Variants in CDH13 observed in about 807,000 individuals in gnomAD.
CDH13 encodes cadherin 13, also known as cadherin-13.
A neutral mutation model predicts 63.8 loss-of-function variants in CDH13; 24 were observed. The observed-to-expected ratio is 0.38, with a 90% CI of 0.27 to 0.53. The LOEUF (loss-of-function observed/expected upper bound fraction) is 0.53, where lower values mean the gene tolerates loss of function less well. CDH13 is among the 20% of genes least tolerant of loss of function. CDH13 has a pLI of 0.85. For synonymous variants in CDH13, 503 were observed against 355.3 expected (o/e 1.42, Z -4.67); for missense variants, 1,049 against 903.1 (o/e 1.16, Z -2.07).
chr16:82,982,432 C>T (rs981608688), intron 2 of CDH13, among the ~76,000 whole-genome samples: 1 of 152,154 alleles, frequency 6.6e-6, no homozygotes, highest in African/African-American at 2.4e-5. Context: ...GCTCCGAAGT[C>T]CTAAAAAATC....
chr16:83,193,859 C>G (rs1304785393), intron 4 of CDH13, among the ~76,000 whole-genome samples: 1 of 152,144 alleles, frequency 6.6e-6, no homozygotes, highest in Non-Finnish European at 1.5e-5. Flanking sequence ...CTAACGATGC[C>G]TATTTAGATT....
chr16:82,814,658 C>A (rs1337583760), intron 1 of CDH13, among the ~76,000 whole-genome samples: 1 of 152,144 alleles, frequency 6.6e-6, no homozygotes, highest in East Asian at 1.9e-4. Flanking sequence ...TTGTAATATT[C>A]TTTATAATAA....
chr16:83,006,384 G>C lies in CDH13; in HGVS notation c.158-25626G>C, dbSNP rs189767415. Among the ~76,000 whole-genome samples, 10 of 152,272 alleles carry C rather than the reference G, an allele frequency of 6.6e-5. No individual in the cohort carries two copies. The East Asian group carries it at 1.7e-3, about 26-fold the overall frequency. ...AACGTTCAGATATGTCTCCTGAATG[G>C]TTTTGACTAACACAACTTACTTTCC... On this transcript the variant is annotated intron_variant, in intron 2 of 13. Coordinates refer to ENST00000567109, the MANE Select transcript of CDH13 (RefSeq NM_001257.5).
chr16:83,492,253 G>A (rs186726639), intron 7 of CDH13, among the ~76,000 whole-genome samples: 1 of 152,150 alleles, frequency 6.6e-6, no homozygotes, highest in African/African-American at 2.4e-5. Flanking sequence ...GAAAGATAGA[G>A]GTAGTAGTCA....
chr16:83,579,397 G>C (rs1433283723), intron 7 of CDH13, among the ~76,000 whole-genome samples: 2 of 152,158 alleles, frequency 1.3e-5, no homozygotes, highest in African/African-American at 4.8e-5. Flanking sequence ...CATGGCTAGG[G>C]AGGCCTCAGG....
chr16:82,708,117 G>T (rs1047857822), intron 1 of CDH13, among the ~76,000 whole-genome samples: 6 of 152,132 alleles, frequency 3.9e-5, no homozygotes, highest in Admixed American at 2.0e-4. Flanking sequence ...TTCAGTGCAC[G>T]CATGGAGGCA....
At chr16:83,558,873 G>A (rs374445772) in intron 7 of CDH13, among the ~76,000 whole-genome samples, 13 of 152,188 alleles carry the variant, frequency 8.5e-5, no homozygotes, top group Admixed American at 5.9e-4. Context: ...CGTAGTGTGC[G>A]GGTATCCGAA....
chr16:83,059,838 A>C (rs1447151566), intron 3 of CDH13, among the ~76,000 whole-genome samples: 3 of 128,724 alleles, frequency 2.3e-5, no homozygotes, highest in African/African-American at 8.9e-5. Flanking sequence ...TCTGTCACCC[A>C]GGCTGGAGTG....
At chr16:83,050,400 A>T (rs965941793) in intron 3 of CDH13, among the ~76,000 whole-genome samples, 3 of 152,136 alleles carry the variant, frequency 2.0e-5, no homozygotes, top group Admixed American at 6.5e-5. Flanking sequence ...AACCACTTTA[A>T]TTCCCAGCAG....
At chr16:83,084,959 C>T (rs993528666) in intron 3 of CDH13, among the ~76,000 whole-genome samples, 7 of 152,144 alleles carry the variant, frequency 4.6e-5, no homozygotes, top group Admixed American at 4.6e-4. Context: ...GTAGGTGATG[C>T]TGGGTTTGGT....
chr16:82,818,430 A>T (rs2037833572), intron 1 of CDH13, among the ~76,000 whole-genome samples: 2 of 152,206 alleles, frequency 1.3e-5, no homozygotes. Flanking sequence ...ATGTTCATCG[A>T]GCTACTCACA....
At chr16:82,996,922 T>A (rs1456949286) in intron 2 of CDH13, among the ~76,000 whole-genome samples, 3 of 151,694 alleles carry the variant, frequency 2.0e-5, no homozygotes, top group African/African-American at 4.9e-5. Flanking sequence ...TTGATTATTA[T>A]GGTAATGATA....
chr16:82,914,656 G>C (rs1020813406), intron 2 of CDH13, among the ~76,000 whole-genome samples: 5 of 152,182 alleles, frequency 3.3e-5, no homozygotes, highest in African/African-American at 1.2e-4. Context: ...CTTGAAGCTT[G>C]GTCAGCCCTG....
chr16:82,794,168 TTTTTC>T (rs544571328), intron 1 of CDH13, among the ~76,000 whole-genome samples: 61 of 150,994 alleles, frequency 4.0e-4, no homozygotes, highest in South Asian at 1.9e-3. Context: ...TTTGCAATTT[TTTTTC>T]TTTTCTTTTC....
chr16:82,974,543 C>T (rs1050699915), intron 2 of CDH13, among the ~76,000 whole-genome samples: 6 of 152,038 alleles, frequency 3.9e-5, no homozygotes, highest in South Asian at 2.1e-4. Context: ...CTAGAAACTG[C>T]AAATATGTGA....
intron 4 of CDH13, among the ~76,000 whole-genome samples, chr16:83,201,761 CA>C (rs1371737794): frequency 2.0e-5 from 3 of 149,424 alleles, no homozygotes; most frequent in African/African-American, 7.4e-5. Flanking sequence ...AAAAAAAACA[CA>C]AAAAATTAGC....
chr16:83,202,476 C>T (rs1597507534), intron 4 of CDH13, among the ~76,000 whole-genome samples: 2 of 152,108 alleles, frequency 1.3e-5, no homozygotes, highest in African/African-American at 4.8e-5. Context: ...GTAGCGGCTT[C>T]ACAGAGTGAG....
intron 4 of CDH13, among the ~76,000 whole-genome samples, chr16:83,137,936 C>G (rs1476670410): frequency 6.6e-6 from 1 of 151,700 alleles, no homozygotes; most frequent in Admixed American, 6.6e-5. Flanking sequence ...CGGCTTGGAG[C>G]TAGCTCTGGT....
chr16:82,627,300 T>G (rs1907403734), intron 1 of CDH13, among the ~76,000 whole-genome samples, 163 bp downstream of exon 1: 1 of 148,594 alleles, frequency 6.7e-6, no homozygotes, highest in South Asian at 2.1e-4. Context: ...CCAGAGATCC[T>G]AGGCACCCCC....
Sources: gnomAD v4.1 joint callset for allele counts (sites outside exome capture counted in the v4.1 genomes callset) on GRCh38, gnomAD v4.1.1 for gene constraint, MANE v1.5 for transcripts, NCBI Gene and HGNC (gene_info 2026-07-23, HGNC 2026-07-21) for gene names.